Variants in EYA3 observed in about 807,000 individuals in gnomAD.
EYA3 encodes protein phosphatase EYA3.
In EYA3, 39 loss-of-function variants were observed where a neutral mutation model predicts 80.0. The ratio of observed to expected loss-of-function variants is 0.49; its 90% CI spans 0.38 to 0.64. EYA3 has a LOEUF of 0.64. Ranked by LOEUF, EYA3 falls within the 30% of genes least tolerant of loss-of-function variation. The pLI is 0.00. For missense variants in EYA3, 523 were observed against 676.1 expected (o/e 0.77, Z 2.51); for synonymous variants, 206 against 232.8 (o/e 0.88, Z 1.05).
At chr1:27,996,152 C>T (rs145097183) in intron 13 of EYA3, among the ~76,000 whole-genome samples, 288 of 152,256 alleles carry the variant, frequency 1.9e-3, no homozygotes, top group Non-Finnish European at 3.4e-3. Context: ...GGATTACAGG[C>T]GTAAGCCACT....
Position 28,073,103 on chromosome 1 carries a change from T to TTCTC in EYA3, c.-68-15010_-68-15009insGAGA, listed in dbSNP as rs1447435853. Among the ~76,000 whole-genome samples, 48 of 37,688 alleles carry TTCTC rather than the reference T, an allele frequency of 1.3e-3. 1 individual carries two copies. Among genetic ancestry groups the TTCTC allele is most frequent in the Non-Finnish European group, 1.8e-3 (41 of 23,380 alleles). The allele number at this position is 37,688 out of a possible 152,430, so 24.7% of individuals were successfully genotyped here. A position where few individuals can be genotyped will look rare whatever the true frequency, so the allele number is the denominator to read the frequency against. On this transcript the variant is annotated intron_variant, in intron 1 of 17. Transcript: ENST00000373871. ...ATCCTTTTTGGGATTGATGAAACTATTATATATATATATATATATATATAT... is the reference window on the plus strand; with the variant it reads ...ATCCTTTTTGGGATTGATGAAACTATTCTCTATATATATATATATATATATATAT...
chr1:27,989,728 C>T lies in EYA3; in HGVS notation c.1387G>A (p.Ala463Thr). ...EVLTDSWLGT[A>T]LKSLLLIQSR... is the part of the protein sequence containing the mutation. ...TGGATGAGAAGTAAGGACTTTAATG[C>T]AGTTCCTAACCAGGAATCTGTTAAA... The change falls in exon 15 of 18, where the codon GCA becomes ACA. Residue 463 changes from alanine (A) to threonine (T), a missense_variant. This residue lies in a region of EYA3 where 219 missense variants were observed against 332.8 expected (regional missense o/e 0.66). Coordinates refer to ENST00000373871, the MANE Select transcript of EYA3 (RefSeq NM_001990.4). The T allele has an allele frequency of 1.2e-6, 2 of 1,611,692 alleles. No homozygotes were observed. The highest frequency in any genetic ancestry group is 1.7e-6 in the Non-Finnish European group (2 of 1,178,618).
chr1:28,042,521 T>C (rs779153891), intron 4 of EYA3, 50 bp downstream of exon 4: 6 of 1,492,138 alleles, frequency 4.0e-6, no homozygotes, highest in Non-Finnish European at 5.6e-6. Flanking sequence ...AGAAAAGCAT[T>C]ACTAGTTATA....
At chr1:28,048,331 A>C (rs186738075) in intron 3 of EYA3, 52 bp downstream of exon 3, 957 of 1,447,720 alleles carry the variant, frequency 6.6e-4, no homozygotes, top group Non-Finnish European at 8.6e-4. Flanking sequence ...ATGTGAAAAA[A>C]AAAAACAAAA....
chr1:27,977,529 C>CT, intron 17 of EYA3: 2 of 878,744 alleles, frequency 2.3e-6, no homozygotes, highest in South Asian at 1.8e-5. Flanking sequence ...AGCCAAGACT[C>CT]TTTCATCTAT....
rs756994460 is a variant in EYA3, at chr1:28,013,072, G to C, written c.769+39C>G. 1.0e-5 allele frequency: 16 copies of C among 1,584,804 alleles called. No individual in the cohort carries two copies. The highest frequency in any genetic ancestry group is 1.4e-5 in the Non-Finnish European group (16 of 1,165,846). On this transcript the variant is annotated intron_variant, in intron 9 of 17. Coordinates refer to ENST00000373871, the MANE Select transcript of EYA3 (RefSeq NM_001990.4). The surrounding 1 kb of genome is among the most constrained non-coding windows in gnomAD (Gnocchi z 4.0). ...TGCCTAAAAACAACTGTTGGATGAAGTGACCTTAAGCCAAAGTTTTCAGAG... is the reference window on the plus strand; with the variant it reads ...TGCCTAAAAACAACTGTTGGATGAACTGACCTTAAGCCAAAGTTTTCAGAG...
At chr1:28,066,041 AC>A (rs1644826843) in intron 1 of EYA3, among the ~76,000 whole-genome samples, 1 of 152,068 alleles carries the variant, frequency 6.6e-6, no homozygotes, top group Non-Finnish European at 1.5e-5. Context: ...ACTCGAACAC[AC>A]AAGTACTGCA....
chr1:27,985,568 C>G (rs1173013055), intron 16 of EYA3, among the ~76,000 whole-genome samples: 1 of 152,124 alleles, frequency 6.6e-6, no homozygotes, highest in Non-Finnish European at 1.5e-5. Flanking sequence ...CTCTATTCTT[C>G]TCTATCTCTA....
At chr1:28,083,259 C>T (rs763778659) in intron 1 of EYA3, among the ~76,000 whole-genome samples, 3 of 152,118 alleles carry the variant, frequency 2.0e-5, no homozygotes, top group Non-Finnish European at 2.9e-5. Context: ...CGGTGGCTCA[C>T]GCCTGTAATC....
chr1:28,046,852 T>TG, intron 3 of EYA3, among the ~76,000 whole-genome samples: 1 of 151,570 alleles, frequency 6.6e-6, no homozygotes, highest in South Asian at 2.1e-4. Context: ...TTCTTTTTTT[T>TG]TTTTTAAATG....
At chr1:28,052,800 G>A (rs1247869570) in intron 2 of EYA3, among the ~76,000 whole-genome samples, 1 of 152,008 alleles carries the variant, frequency 6.6e-6, no homozygotes, top group Non-Finnish European at 1.5e-5. Flanking sequence ...AAATTAGCCA[G>A]GTGTGGTGGC....
At position 27,974,259 on chromosome 1, in the gene EYA3, C is replaced by CAGAGAGAG. The variant is rs3831952; in HGVS notation, c.*199_*206dup. The CAGAGAGAG allele has an allele frequency of 1.5e-5, 5 of 338,406 alleles. No homozygotes were observed. Among genetic ancestry groups the CAGAGAGAG allele is most frequent in the South Asian group, 1.4e-4 (3 of 22,180 alleles). 21.0% of individuals were successfully genotyped at this position (338,406 alleles called of 1,614,324 possible). A position where few individuals can be genotyped will look rare whatever the true frequency, so the allele number is the denominator to read the frequency against. ...CTCGCCAGCATTCCATGGATAAAGA[C>CAGAGAGAG]AGAGAGAGAGAGAGAGAGAGAGGCA... On this transcript the variant is annotated 3_prime_UTR_variant, in exon 18 of 18. Transcript: ENST00000373871.
At position 28,039,032 on chromosome 1, in the gene EYA3, A is replaced by G. The variant is rs552802044; in HGVS notation, c.158-127T>C. ...AGAATACAGCTTGGACACCAGATAG[A>G]AAGACTATGTGGTAGAAAATATCTC... On this transcript the variant is annotated intron_variant, in intron 4 of 17. Coordinates refer to ENST00000373871, the MANE Select transcript of EYA3 (RefSeq NM_001990.4). 38 of 515,598 alleles carry G rather than the reference A, an allele frequency of 7.4e-5. No homozygotes were observed. The African/African-American group carries it at 7.4e-4, about 10-fold the overall frequency. The allele number at this position is 515,598 out of a possible 1,614,324, so 31.9% of individuals were successfully genotyped here. A position where few individuals can be genotyped will look rare whatever the true frequency, so the allele number is the denominator to read the frequency against.
intron 16 of EYA3, among the ~76,000 whole-genome samples, chr1:27,981,740 TCTAGC>T (rs1639315629): frequency 6.9e-6 from 1 of 145,814 alleles, no homozygotes; most frequent in Non-Finnish European, 1.5e-5. Context: ...ATCACTGAAC[TCTAGC>T]CTGGTGAGAC....
intron 2 of EYA3, among the ~76,000 whole-genome samples, chr1:28,053,064 G>A (rs1341735600): frequency 6.7e-6 from 1 of 148,186 alleles, no homozygotes; most frequent in Non-Finnish European, 1.5e-5. Flanking sequence ...TGAGATGGGA[G>A]GATTGTTTGA....
intron 13 of EYA3, among the ~76,000 whole-genome samples, chr1:27,996,113 T>C (rs2148744233): frequency 6.6e-6 from 1 of 152,348 alleles, no homozygotes. Flanking sequence ...CCTCAAGTGA[T>C]TGGCCCGCAC....
Position 28,067,964 on chromosome 1 carries a change from C to T in EYA3, c.-68-9870G>A, listed in dbSNP as rs536248034. On this transcript the variant is annotated intron_variant, in intron 1 of 17. Coordinates refer to ENST00000373871, the MANE Select transcript of EYA3 (RefSeq NM_001990.4). ...CACTGCCTCATGAACCTGTAAGCAG[C>T]AGAAACAGTGGTGGAATCCAAAACT... Among the ~76,000 whole-genome samples, 6 of 152,256 alleles carry T rather than the reference C, an allele frequency of 3.9e-5. No homozygotes were observed. The East Asian group carries it at 1.2e-3, about 29-fold the overall frequency.
chr1:28,039,123 G>A (rs1301684649), intron 4 of EYA3, among the ~76,000 whole-genome samples: 2 of 152,156 alleles, frequency 1.3e-5, no homozygotes, highest in African/African-American at 4.8e-5. Flanking sequence ...GGTGGGGTAT[G>A]GAAAAGAGCT....
intron 1 of EYA3, among the ~76,000 whole-genome samples, chr1:28,086,345 T>A (rs576410385): frequency 6.6e-6 from 1 of 152,042 alleles, no homozygotes; most frequent in Non-Finnish European, 1.5e-5. Context: ...TCCTGAGTAG[T>A]TGGGACTACA....
Sources: allele counts gnomAD v4.1 joint callset (sites outside exome capture counted in the v4.1 genomes callset), GRCh38; gene constraint gnomAD v4.1.1; regional missense constraint gnomAD v4.1.1; non-coding constraint Gnocchi (gnomAD v3.1); transcripts MANE v1.5; gene names NCBI Gene and HGNC (gene_info 2026-07-23, HGNC 2026-07-21).